Variants in MUC4 observed in about 807,000 individuals in gnomAD.
The protein encoded by MUC4 is mucin-4.
Under a neutral mutation model 257.9 loss-of-function variants are expected in MUC4, and 202 were observed. The observed-to-expected ratio is 0.78, with a 90% CI of 0.70 to 0.88. The LOEUF (loss-of-function observed/expected upper bound fraction) is 0.88. Ranked by LOEUF, MUC4 falls within the 40% of genes least tolerant of loss-of-function variation. The probability of loss-of-function intolerance (pLI) is 0.00; values close to 1 mark genes in which losing one functional copy is unlikely to be tolerated. For synonymous variants in MUC4, 2,351 were observed against 2,757.1 expected, an observed-to-expected ratio of 0.85 and a Z score of 4.62; for missense variants, 5,976 against 6,513.7, an observed-to-expected ratio of 0.92 and a Z score of 2.84.
In MUC4 at chr3:195,781,160, G is replaced by T. The variant is rs1459879231; in HGVS notation, c.10420C>A (p.Pro3474Thr). Reference sequence around the variant, plus strand: ...GATGCTGAGGAAGGGCTGGTGACAGGAAGAGGGGTGGTGTCACCTGTGGAT... The same window carrying T: ...GATGCTGAGGAAGGGCTGGTGACAGTAAGAGGGGTGGTGTCACCTGTGGAT... ...SASTGDTTPL[P>T]VTSPSSASTG... is the part of the protein sequence containing the mutation. Residue 3474 changes from proline to threonine, a missense_variant, in exon 2 of 25, where the codon CCT (proline) becomes ACT (threonine). Around this residue, in one of 44 missense-constraint regions of MUC4, gnomAD observed 297 missense variants for 240.9 expected, o/e 1.23. Coordinates refer to ENST00000463781, the MANE Select transcript of MUC4 (RefSeq NM_018406.7). 10 of 1,488,246 alleles carry T rather than the reference G, an allele frequency of 6.7e-6. No homozygotes were observed. Among genetic ancestry groups the T allele is most frequent in the East Asian group, 5.2e-5 (2 of 38,576 alleles). 92.2% of individuals were successfully genotyped at this position (1,488,246 alleles called of 1,614,324 possible). A position where few individuals can be genotyped will look rare whatever the true frequency, so the allele number is the denominator to read the frequency against.
chr3:195,767,745 T>C (rs981305267), intron 7 of MUC4, among the ~76,000 whole-genome samples: 1 of 12,754 alleles, frequency 7.8e-5, no homozygotes, highest in Admixed American at 6.9e-4. Flanking sequence ...ACCATCACCA[T>C]CGCCACCACC....
rs1239750252 is a variant in MUC4 at position 195,783,225 on chromosome 3, A to C, written c.8355T>G (p.Leu2785=). 7.3e-7 allele frequency: 1 copy of C among 1,362,230 alleles called. No homozygotes were observed. The highest frequency in any genetic ancestry group is 1.0e-6 in the Non-Finnish European group (1 of 993,744). 84.4% of individuals were successfully genotyped at this position (1,362,230 alleles called of 1,614,324 possible). A position where few individuals can be genotyped will look rare whatever the true frequency, so the allele number is the denominator to read the frequency against. Residue 2785 remains leucine (L), a synonymous_variant, in exon 2 of 25, where the codon CTT becomes CTG. Transcript: ENST00000463781. ...SSVSTGHATP[L]HVTSPSSAST... The stretch of plus-strand genomic sequence containing the variant: ...ATGCTGAGGAAGGGCTGGTGACATG[A>C]AGAGGGGTGGCGTGACCTGTGGATA...
rs1334213699 is a variant in MUC4 at position 195,767,657 on chromosome 3, C to T, written c.13530-906G>A. On this transcript the variant is annotated intron_variant, in intron 7 of 24. Transcript: ENST00000463781. The stretch of plus-strand genomic sequence containing the variant: ...ACCACCACCATCGCCACCACCACCA[C>T]CACCACCATCACCATCACCACCATC... Among the ~76,000 whole-genome samples, 35 of 80,526 alleles carry T rather than the reference C, an allele frequency of 4.3e-4. 2 individuals are homozygous for T. Among genetic ancestry groups the T allele is most frequent in the African/African-American group, 9.2e-4 (10 of 10,852 alleles). The allele number at this position is 80,526 out of a possible 152,430, so 52.8% of individuals were successfully genotyped here.
rs141211166 is a variant in MUC4 at position 195,754,327 on chromosome 3, C to T, written c.15214G>A (p.Glu5072Lys). The T allele has an allele frequency of 2.1e-5, 34 of 1,612,482 alleles. No individual in the cohort carries two copies. The African/African-American group carries it at 2.3e-4, about 11-fold the overall frequency. ...CDGGTFGRYC[E>K]GSEDACEEPC... is the part of the protein sequence containing the mutation. ...TCCTCACAGGCATCCTCGGAGCCCT[C>T]GCAGTAGCGGCCGAAGGTGCCCCCG... Residue 5072 changes from glutamate (E) to lysine (K), a missense_variant, in exon 19 of 25, where the codon GAG (glutamate) becomes AAG (lysine). By Grantham distance (56) the Glu-to-Lys change is moderately conservative. Around this residue, in one of 44 missense-constraint regions of MUC4, gnomAD observed 996 missense variants for 1,137.3 expected, o/e 0.88. Transcript: ENST00000463781.
chr3:195,811,012 T>C (rs1198414715), intron 1 of MUC4, among the ~76,000 whole-genome samples: 1 of 151,536 alleles, frequency 6.6e-6, no homozygotes, highest in East Asian at 1.9e-4. Context: ...GGCTGCTCTC[T>C]GGCCCTCTGT....
chr3:195,808,818 G>A (rs141154935), intron 1 of MUC4, among the ~76,000 whole-genome samples: 1 of 152,276 alleles, frequency 6.6e-6, no homozygotes, highest in African/African-American at 2.4e-5. Context: ...TCCCAGAGGG[G>A]CAGAGGGGTC....
At position 195,780,517 on chromosome 3, in the gene MUC4, G is replaced by A. The variant is rs1727114197; in HGVS notation, c.11063C>T (p.Ser3688Leu). 9.2e-7 allele frequency: 1 copy of A among 1,089,710 alleles called. No homozygotes were observed. The highest frequency in any genetic ancestry group is 1.9e-5 in the South Asian group (1 of 51,588). 67.5% of individuals were successfully genotyped at this position (1,089,710 alleles called of 1,614,324 possible). ...TTRLPVTDTS[S>L]ASTGQATPLP... The stretch of plus-strand genomic sequence containing the variant: ...AGGGGTGGCCTGACCTGTGGATGCT[G>A]AGGAAGTGTCCGTGACAGGAAGACG... The change falls in exon 2 of 25, where the codon TCA (serine) becomes TTA (leucine). Residue 3688 changes from serine to leucine, a missense_variant. Physicochemically the swap from Ser to Leu is moderately radical, Grantham distance 145. Around this residue, in one of 44 missense-constraint regions of MUC4, gnomAD observed 330 missense variants for 262.0 expected, o/e 1.26. Coordinates refer to ENST00000463781, the MANE Select transcript of MUC4 (RefSeq NM_018406.7).
chr3:195,754,063 C>T (rs1009535880), intron 19 of MUC4, 150 bp downstream of exon 19: 7 of 1,105,554 alleles, frequency 6.3e-6, no homozygotes, highest in African/African-American at 3.2e-5. Flanking sequence ...TGATTTCCCA[C>T]ACCTGCCTAG....
intron 19 of MUC4, 179 bp from the exon 20 acceptor site, chr3:195,753,409 C>G (rs1026110673): frequency 1.5e-5 from 9 of 603,436 alleles, no homozygotes; most frequent in Non-Finnish European, 2.3e-5. Context: ...CAACCCCTTT[C>G]CCCGGCCAGA....
chr3:195,762,380 C>T, intron 13 of MUC4, 126 bp from the exon 14 acceptor site: 1 of 1,075,912 alleles, frequency 9.3e-7, no homozygotes, highest in South Asian at 1.6e-5. Context: ...GGGGTCTGCA[C>T]TGGAGGCGGA....
At chr3:195,795,704 A>G (rs1303211846) in intron 1 of MUC4, among the ~76,000 whole-genome samples, 2 of 152,150 alleles carry the variant, frequency 1.3e-5, no homozygotes, top group Non-Finnish European at 2.9e-5. Flanking sequence ...GACCAGGAAG[A>G]AAAAAGAAAA....
intron 1 of MUC4, among the ~76,000 whole-genome samples, chr3:195,795,716 G>A (rs1734485993): frequency 6.6e-6 from 1 of 151,908 alleles, no homozygotes; most frequent in Non-Finnish European, 1.5e-5. Context: ...AAAAGAAAAA[G>A]GAAGCAGAAT....
At position 195,786,455 on chromosome 3, in the gene MUC4, G is replaced by A. The variant is rs779475199; in HGVS notation, c.5125C>T (p.Gln1709Ter). ...VTDVSSASTG[Q>*]ATPLPVTSLS... ...CTGGTGACAGGAAGAGGGGTGGCCTGACCTGTGGATGCCGAGGAAACGTCG... is the reference window on the plus strand; with the variant it reads ...CTGGTGACAGGAAGAGGGGTGGCCTAACCTGTGGATGCCGAGGAAACGTCG... The change falls in exon 2 of 25, where the codon CAG becomes TAG. Residue 1709 changes from glutamine to a stop codon, truncating the protein, a stop_gained. Coordinates refer to ENST00000463781, the MANE Select transcript of MUC4 (RefSeq NM_018406.7). LOFTEE classifies it high-confidence loss of function. 2.0e-6 allele frequency: 3 copies of A among 1,526,810 alleles called. No homozygotes were observed. Among genetic ancestry groups the A allele is most frequent in the Non-Finnish European group, 2.6e-6 (3 of 1,133,548 alleles). The allele number at this position is 1,526,810 out of a possible 1,614,324, so 94.6% of individuals were successfully genotyped here. A position where few individuals can be genotyped will look rare whatever the true frequency, so the allele number is the denominator to read the frequency against.
rs868607225 is a variant in MUC4, at chr3:195,801,972, C to G, written c.82+9764G>C. ...CCCGCTCCACGCCCAGATGACATGT[C>G]TCCAGCCCTTTCCCTCTCCTGCTGC... On this transcript the variant is annotated intron_variant, in intron 1 of 24. Coordinates refer to ENST00000463781, the MANE Select transcript of MUC4 (RefSeq NM_018406.7). 1.3e-4 allele frequency among the ~76,000 whole-genome samples: 20 copies of G among 152,248 alleles called. No homozygotes were observed. In the Middle Eastern group the frequency reaches 0.01, roughly 78 times the overall value.
intron 19 of MUC4, 36 bp from the exon 20 acceptor site, chr3:195,753,266 A>G: frequency 6.3e-7 from 1 of 1,597,012 alleles, no homozygotes; most frequent in Non-Finnish European, 8.6e-7. Context: ...AGCAGCGCGC[A>G]GGGCAGCAGA....
In MUC4 at chr3:195,785,896, T is replaced by TG. The variant is rs774066314; in HGVS notation, c.5683_5684insC (p.Asn1895ThrfsTer7). ...GGTGGTGTCACCTGTGGATGCTGAG[T>TG]TAGTGTCGGTGACAGGAAGAGGGGT... On this transcript the variant is annotated frameshift_variant, in exon 2 of 25. Coordinates refer to ENST00000463781, the MANE Select transcript of MUC4 (RefSeq NM_018406.7). LOFTEE classifies it high-confidence loss of function. 39 of 1,223,516 alleles carry TG rather than the reference T, an allele frequency of 3.2e-5. No homozygotes were observed. The African/African-American group carries it at 7.4e-4, about 23-fold the overall frequency. The allele number at this position is 1,223,516 out of a possible 1,614,324, so 75.8% of individuals were successfully genotyped here. A position where few individuals can be genotyped will look rare whatever the true frequency, so the allele number is the denominator to read the frequency against.
At chr3:195,774,822 C>T (rs948563121) in intron 3 of MUC4, among the ~76,000 whole-genome samples, 8 of 151,426 alleles carry the variant, frequency 5.3e-5, no homozygotes, top group African/African-American at 1.9e-4. Flanking sequence ...ATTGCTTGAA[C>T]CCGGGAGGCT....
At position 195,769,222 on chromosome 3, in the gene MUC4, C is replaced by T. The variant is rs374529009; in HGVS notation, c.13399-70G>A. Reference sequence around the variant, plus strand: ...CGGGGTCTCCTCTCTTATGTCCCCCCGCCCGTCCCACAGCCCTGCTCTGAC... The same window carrying T: ...CGGGGTCTCCTCTCTTATGTCCCCCTGCCCGTCCCACAGCCCTGCTCTGAC... On this transcript the variant is annotated intron_variant, in intron 6 of 24. Transcript: ENST00000463781. The T allele has an allele frequency of 2.2e-5, 35 of 1,573,916 alleles. No individual in the cohort carries two copies. The South Asian group carries it at 2.6e-4, about 12-fold the overall frequency.
In MUC4 at chr3:195,778,804, T is replaced by C; in HGVS notation, c.12776A>G (p.Lys4259Arg). ...TTGGCAGCTACCTGGTGTTTCCATCTTCAGAGGGGAGTCCGAGGATACTGT... is the reference window on the plus strand; with the variant it reads ...TTGGCAGCTACCTGGTGTTTCCATCCTCAGAGGGGAGTCCGAGGATACTGT... ...ASTVSSDSPL[K>R]METPGMTTPS... is the part of the protein sequence containing the mutation. Residue 4259 changes from lysine (K) to arginine (R), a missense_variant, in exon 2 of 25, where the codon AAG (lysine) becomes AGG (arginine). Around this residue, in one of 44 missense-constraint regions of MUC4, gnomAD observed 233 missense variants for 171.2 expected, o/e 1.36. Transcript: ENST00000463781. 4.3e-6 allele frequency: 7 copies of C among 1,611,004 alleles called. No individual in the cohort carries two copies. The highest frequency in any genetic ancestry group is 2.5e-6 in the Non-Finnish European group (3 of 1,178,756).
Sources: allele counts gnomAD v4.1 joint callset (sites outside exome capture counted in the v4.1 genomes callset), GRCh38; gene constraint gnomAD v4.1.1; regional missense constraint gnomAD v4.1.1; transcripts MANE v1.5; gene names NCBI Gene and HGNC (gene_info 2026-07-23, HGNC 2026-07-21).